Variants in TNFRSF1A observed in about 807,000 individuals in gnomAD.
TNFRSF1A encodes the protein TNF receptor superfamily member 1A, also known as tumor necrosis factor receptor superfamily member 1A.
In TNFRSF1A, 9 loss-of-function variants were observed where a neutral mutation model predicts 41.6. The ratio of observed to expected loss-of-function variants is 0.22; its 90% CI spans 0.13 to 0.38. The LOEUF (loss-of-function observed/expected upper bound fraction) is 0.38, where lower values mean the gene tolerates loss of function less well. TNFRSF1A is among the 10% of genes least tolerant of loss of function. The probability of loss-of-function intolerance (pLI) is 1.00; values close to 1 mark genes in which losing one functional copy is unlikely to be tolerated. For synonymous variants in TNFRSF1A, 254 were observed against 248.6 expected (o/e 1.02, Z -0.21); for missense variants, 463 against 591.5 (o/e 0.78, Z 2.25).
Position 6,341,846 on chromosome 12 carries a change from T to A in TNFRSF1A, c.-32A>T. The stretch of plus-strand genomic sequence containing the variant: ...CAGCTATGGCCTCTCACTCCCCCAT[T>A]TGGGCTCAGGGCAGTGTGGCAGCGG... On this transcript the variant is annotated 5_prime_UTR_variant, in exon 1 of 10. Coordinates refer to ENST00000162749, the MANE Select transcript of TNFRSF1A (RefSeq NM_001065.4). The surrounding 1 kb of genome is among the most constrained non-coding windows in gnomAD (Gnocchi z 4.6). 6.2e-7 allele frequency: 1 copy of A among 1,613,936 alleles called. No individual in the cohort carries two copies. Among genetic ancestry groups the A allele is most frequent in the Non-Finnish European group, 8.5e-7 (1 of 1,179,944 alleles).
At position 6,341,690 on chromosome 12, in the gene TNFRSF1A, G is replaced by T. The variant is rs1252934373; in HGVS notation, c.39+86C>A. On this transcript the variant is annotated intron_variant, in intron 1 of 9. Coordinates refer to ENST00000162749, the MANE Select transcript of TNFRSF1A (RefSeq NM_001065.4). This position sits in a 1 kb window ranked among gnomAD's most constrained non-coding sequence, Gnocchi z 4.6. ...GCCAGGACCAGGCCCGGGCAGGAGA[G>T]GCTCGGCCCCCTCCCGGAGAGGGCC... 5.2e-6 allele frequency: 8 copies of T among 1,524,758 alleles called. No homozygotes were observed. The African/African-American group carries it at 6.8e-5, about 13-fold the overall frequency. 94.5% of individuals were successfully genotyped at this position (1,524,758 alleles called of 1,614,324 possible).
At position 6,341,877 on chromosome 12, in the gene TNFRSF1A, C is replaced by A; in HGVS notation, c.-63G>T. 1 of 1,594,038 alleles carries A rather than the reference C, an allele frequency of 6.3e-7. No homozygotes were observed. The highest frequency in any genetic ancestry group is 1.1e-5 in the South Asian group (1 of 90,660). ...TCAGGGCAGTGTGGCAGCGGCAGTG[C>A]TGGGGCTTCCCGGGACTCGGTCTGT... On this transcript the variant is annotated 5_prime_UTR_variant, in exon 1 of 10. Transcript: ENST00000162749. The surrounding 1 kb of genome is among the most constrained non-coding windows in gnomAD (Gnocchi z 4.6).
In TNFRSF1A at chr12:6,333,795, G is replaced by A. The variant is rs1435041054; in HGVS notation, c.264C>T (p.Ser88=). ...TGAGGTGGTTTTCTGAAGCGGTGAA[G>A]GAGCCGCTCTCACACTCCCTGCAGT... is the stretch of plus-strand genomic sequence containing the variant. ...DTDCRECESG[S]FTASENHLRH... is the part of the protein sequence containing the mutation. Residue 88 remains serine, a synonymous_variant, in exon 3 of 10, where the codon TCC becomes TCT. Coordinates refer to ENST00000162749, the MANE Select transcript of TNFRSF1A (RefSeq NM_001065.4). This position sits in a 1 kb window ranked among gnomAD's most constrained non-coding sequence, Gnocchi z 6.3. 6.3e-7 allele frequency: 1 copy of A among 1,585,664 alleles called. No individual in the cohort carries two copies. The highest frequency in any genetic ancestry group is 1.1e-5 in the South Asian group (1 of 87,662).
chr12:6,331,995 T>G (rs941353668), intron 5 of TNFRSF1A: 1 of 194,926 alleles, frequency 5.1e-6, no homozygotes, highest in African/African-American at 4.3e-5. Flanking sequence ...AGCAGGACTC[T>G]GTGTCAAAAA....
chr12:6,330,420 A>G (rs751665755), intron 7 of TNFRSF1A, 125 bp from the exon 8 acceptor site: 6 of 1,086,510 alleles, frequency 5.5e-6, no homozygotes, highest in Non-Finnish European at 8.5e-6. Flanking sequence ...CAGGGACGAG[A>G]GAGCTACTGA....
intron 1 of TNFRSF1A, among the ~76,000 whole-genome samples, chr12:6,340,844 G>A (rs1948186090): frequency 6.6e-6 from 1 of 152,200 alleles, no homozygotes; most frequent in Non-Finnish European, 1.5e-5. Context: ...CGTGGAGGAC[G>A]ATCAAGGATA....
In TNFRSF1A at chr12:6,341,879, G is replaced by A. The variant is rs1024376501; in HGVS notation, c.-65C>T. ...AGGGCAGTGTGGCAGCGGCAGTGCT[G>A]GGGCTTCCCGGGACTCGGTCTGTCC... On this transcript the variant is annotated 5_prime_UTR_variant, in exon 1 of 10. Transcript: ENST00000162749. This position sits in a 1 kb window ranked among gnomAD's most constrained non-coding sequence, Gnocchi z 4.6. 8 of 1,582,316 alleles carry A rather than the reference G, an allele frequency of 5.1e-6. 1 individual carries two copies. The South Asian group carries it at 7.7e-5, about 15-fold the overall frequency.
At position 6,333,762 on chromosome 12, in the gene TNFRSF1A, G is replaced by A. The variant is rs1948082830; in HGVS notation, c.297C>T (p.Cys99=). Residue 99 remains cysteine, a synonymous_variant, in exon 3 of 10, where the codon TGC becomes TGT. Coordinates refer to ENST00000162749, the MANE Select transcript of TNFRSF1A (RefSeq NM_001065.4). The surrounding 1 kb of genome is among the most constrained non-coding windows in gnomAD (Gnocchi z 6.3). ...CCTTTCGGCATTTGGAGCAGCTGAG[G>A]CAGTGTCTGAGGTGGTTTTCTGAAG... ...FTASENHLRH[C]LSCSKCRKEM... 1 of 1,574,182 alleles carries A rather than the reference G, an allele frequency of 6.4e-7. No homozygotes were observed. Among genetic ancestry groups the A allele is most frequent in the South Asian group, 1.2e-5 (1 of 86,534 alleles).
At chr12:6,336,947 C>T (rs1236924051) in intron 1 of TNFRSF1A, among the ~76,000 whole-genome samples, 1 of 152,182 alleles carries the variant, frequency 6.6e-6, no homozygotes, top group African/African-American at 2.4e-5. Flanking sequence ...CCTTAGGAAA[C>T]AAGGCCAGTT....
At chr12:6,335,204 C>T (rs1426475650) in intron 1 of TNFRSF1A, among the ~76,000 whole-genome samples, 1 of 152,146 alleles carries the variant, frequency 6.6e-6, no homozygotes, top group South Asian at 2.1e-4. Context: ...ATCCCCTCCA[C>T]CTCAAAATTT....
At chr12:6,335,228 G>A (rs891590352) in intron 1 of TNFRSF1A, among the ~76,000 whole-genome samples, 26 of 152,260 alleles carry the variant, frequency 1.7e-4, no homozygotes, top group Middle Eastern at 3.4e-3. Context: ...AACACCCGGG[G>A]TTGGCAAGGA....
At position 6,333,536 on chromosome 12, in the gene TNFRSF1A, G is replaced by A; in HGVS notation, c.323-20C>T. 6.2e-7 allele frequency: 1 copy of A among 1,614,058 alleles called. No homozygotes were observed. Among genetic ancestry groups the A allele is most frequent in the Non-Finnish European group, 8.5e-7 (1 of 1,180,014 alleles). ...CCATTTCTGGTGAGGGGAGAAGATG[G>A]GGTATGAGTCCTGCATCCTCCTGTC... On this transcript the variant is annotated intron_variant, in intron 3 of 9. Coordinates refer to ENST00000162749, the MANE Select transcript of TNFRSF1A (RefSeq NM_001065.4). The surrounding 1 kb of genome is among the most constrained non-coding windows in gnomAD (Gnocchi z 6.3).
chr12:6,328,797 A>G lies in TNFRSF1A; in HGVS notation c.*515T>C, dbSNP rs563735348. On this transcript the variant is annotated 3_prime_UTR_variant, in exon 10 of 10. Coordinates refer to ENST00000162749, the MANE Select transcript of TNFRSF1A (RefSeq NM_001065.4). ...TTAACTTCAGAATTTTAGTGTATGT[A>G]CAAAAGTCCACAGCTCCAGCTGAAG... 2 of 155,982 alleles carry G rather than the reference A, an allele frequency of 1.3e-5. No homozygotes were observed. The highest frequency in any genetic ancestry group is 2.0e-4 in the South Asian group (1 of 4,922). The allele number at this position is 155,982 out of a possible 1,614,324, so 9.7% of individuals were successfully genotyped here.
In TNFRSF1A at chr12:6,329,628, G is replaced by C. The variant is rs761155688; in HGVS notation, c.1058-6C>G. On this transcript the variant is annotated splice_polypyrimidine_tract_variant and splice_region_variant and intron_variant, in intron 9 of 9. Transcript: ENST00000162749. ...CAGCGTCGCGGGGTCATCAGCTGCG[G>C]GGACGCGGGCCGGTGAGCCTCGGGC... The C allele has an allele frequency of 3.1e-4, 487 of 1,592,162 alleles. No individual in the cohort carries two copies. The highest frequency in any genetic ancestry group is 4.0e-4 in the Non-Finnish European group (473 of 1,172,912).
rs913027353 is a variant in TNFRSF1A at position 6,341,950 on chromosome 12, G to C, written c.-136C>G. 1.1e-6 allele frequency: 1 copy of C among 870,848 alleles called. No homozygotes were observed. Among genetic ancestry groups the C allele is most frequent in the Non-Finnish European group, 1.9e-6 (1 of 527,626 alleles). The allele number at this position is 870,848 out of a possible 1,614,324, so 53.9% of individuals were successfully genotyped here. ...GGGTGACAGTTGAGGGTTGAGACTC[G>C]GGCATAGAGATCACGGCCTGGTCCC... On this transcript the variant is annotated 5_prime_UTR_variant, in exon 1 of 10. Coordinates refer to ENST00000162749, the MANE Select transcript of TNFRSF1A (RefSeq NM_001065.4). This position sits in a 1 kb window ranked among gnomAD's most constrained non-coding sequence, Gnocchi z 4.6.
intron 1 of TNFRSF1A, among the ~76,000 whole-genome samples, chr12:6,339,230 T>C (rs1948156017): frequency 6.6e-6 from 1 of 152,174 alleles, no homozygotes; most frequent in Admixed American, 6.5e-5. Flanking sequence ...TTCCCTCCTT[T>C]ATAGCTACCC....
chr12:6,334,222 C>G lies in TNFRSF1A; in HGVS notation c.62G>C (p.Gly21Ala), dbSNP rs1180778404. 10 of 1,613,554 alleles carry G rather than the reference C, an allele frequency of 6.2e-6. No homozygotes were observed. The East Asian group carries it at 2.2e-4, about 36-fold the overall frequency. The change falls in exon 2 of 10, where the codon GGA (glycine) becomes GCA (alanine). Residue 21 changes from glycine to alanine, a missense_variant. By Grantham distance (60) the Gly-to-Ala change is moderately conservative. Transcript: ENST00000162749. This position sits in a 1 kb window ranked among gnomAD's most constrained non-coding sequence, Gnocchi z 5.1. The stretch of plus-strand genomic sequence containing the variant: ...TCCAATAACCCCTGAGGGGTATATT[C>G]CCACCAACAGCTCCAGGAGCACCTG... Reference protein sequence around the residue: ...LPLVLLELLVGIYPSGVIGLV... With the variant: ...LPLVLLELLVAIYPSGVIGLV...
rs1947975105 is a variant in TNFRSF1A at position 6,328,790 on chromosome 12, T to A, written c.*522A>T. ...CAGAGCTTTAACTTCAGAATTTTAG[T>A]GTATGTACAAAAGTCCACAGCTCCA... On this transcript the variant is annotated 3_prime_UTR_variant, in exon 10 of 10. Transcript: ENST00000162749. 1 of 155,338 alleles carries A rather than the reference T, an allele frequency of 6.4e-6. No individual in the cohort carries two copies. The allele number at this position is 155,338 out of a possible 1,614,324, so 9.6% of individuals were successfully genotyped here.
At chr12:6,331,185 T>G in intron 5 of TNFRSF1A, 2 of 522,680 alleles carry the variant, frequency 3.8e-6, no homozygotes, top group Non-Finnish European at 6.9e-6. Flanking sequence ...TTCCAGTTCA[T>G]TCCTTGGCTA....
Sources: allele counts gnomAD v4.1 joint callset (sites outside exome capture counted in the v4.1 genomes callset), GRCh38; gene constraint gnomAD v4.1.1; non-coding constraint Gnocchi (gnomAD v3.1); transcripts MANE v1.5; gene names NCBI Gene and HGNC (gene_info 2026-07-23, HGNC 2026-07-21).